Variants in MECOM observed in about 807,000 individuals in gnomAD.
MECOM encodes histone-lysine N-methyltransferase MECOM.
A neutral mutation model predicts 116.3 loss-of-function variants in MECOM; 13 were observed. That is an observed-to-expected ratio of 0.11 (90% CI 0.07 to 0.18). MECOM has a LOEUF of 0.18. Among genes scored for constraint, MECOM ranks in the 10% least tolerant of loss-of-function variants. MECOM has a pLI of 1.00. For synonymous variants in MECOM, 528 were observed against 535.2 expected (o/e 0.99, Z 0.19); for missense variants, 1,299 against 1,509.0 (o/e 0.86, Z 2.31).
chr3:169,486,787 G>T (rs1251483385), intron 1 of MECOM, among the ~76,000 whole-genome samples: 1 of 152,020 alleles, frequency 6.6e-6, no homozygotes, highest in Non-Finnish European at 1.5e-5. Context: ...GGCTCTACAA[G>T]ATTTTCTCAG....
At chr3:169,395,125 A>G (rs1382145997) in intron 1 of MECOM, among the ~76,000 whole-genome samples, 1 of 152,168 alleles carries the variant, frequency 6.6e-6, no homozygotes, top group Non-Finnish European at 1.5e-5. Context: ...GATCATGCAC[A>G]CTCCAAATTC....
intron 1 of MECOM, among the ~76,000 whole-genome samples, chr3:169,418,716 T>C (rs1283789271): frequency 6.6e-6 from 1 of 151,996 alleles, no homozygotes; most frequent in Admixed American, 6.6e-5. Flanking sequence ...ATAAAAACAC[T>C]CAATAAACTA....
intron 1 of MECOM, among the ~76,000 whole-genome samples, chr3:169,587,278 G>C (rs1765879279): frequency 6.6e-6 from 1 of 152,076 alleles, no homozygotes; most frequent in African/African-American, 2.4e-5. Context: ...AAAAAGCCTG[G>C]AGCTGTCACC....
intron 2 of MECOM, among the ~76,000 whole-genome samples, chr3:169,338,181 C>T (rs1723891301): frequency 6.6e-6 from 1 of 152,144 alleles, no homozygotes. Flanking sequence ...GTTTCAACTG[C>T]CAGGAACCTG....
chr3:169,268,722 A>T (rs932216634), intron 2 of MECOM, among the ~76,000 whole-genome samples: 38 of 152,216 alleles, frequency 2.5e-4, no homozygotes, highest in African/African-American at 8.9e-4. Flanking sequence ...ATTTAAGAAC[A>T]TTACCTACCA....
At chr3:169,544,360 C>A (rs375248230) in intron 1 of MECOM, among the ~76,000 whole-genome samples, 1 of 152,166 alleles carries the variant, frequency 6.6e-6, no homozygotes, top group East Asian at 1.9e-4. Context: ...AAAAGGCATA[C>A]TTCTTTGGGT....
intron 3 of MECOM, among the ~76,000 whole-genome samples, chr3:169,142,366 A>T (rs1738370854): frequency 6.6e-6 from 1 of 151,944 alleles, no homozygotes; most frequent in African/African-American, 2.4e-5. Context: ...GAGGTCCTCC[A>T]GTTCCTTTTG....
intron 1 of MECOM, among the ~76,000 whole-genome samples, chr3:169,400,726 G>A (rs948863111): frequency 2.6e-5 from 4 of 152,128 alleles, no homozygotes; most frequent in Admixed American, 6.5e-5. Flanking sequence ...ACACATTACC[G>A]TAAAGATATA....
chr3:169,659,299 GC>G (rs1775938819), intron 1 of MECOM, among the ~76,000 whole-genome samples: 1 of 151,952 alleles, frequency 6.6e-6, no homozygotes, highest in South Asian at 2.1e-4. Context: ...GCCAAGACCT[GC>G]AACTCTGCAG....
chr3:169,094,963 G>T, intron 13 of MECOM, 113 bp downstream of exon 13: 1 of 910,856 alleles, frequency 1.1e-6, no homozygotes, highest in Non-Finnish European at 1.5e-6. Flanking sequence ...TTTACAATAA[G>T]ACCTGATTTT....
chr3:169,098,026 C>T (rs1722284008), intron 12 of MECOM, among the ~76,000 whole-genome samples: 2 of 152,070 alleles, frequency 1.3e-5, no homozygotes, highest in South Asian at 4.2e-4. Flanking sequence ...TACCATTTTA[C>T]TTTTTTTAAT....
intron 2 of MECOM, among the ~76,000 whole-genome samples, chr3:169,333,163 C>G (rs1349020875): frequency 6.6e-6 from 1 of 152,028 alleles, no homozygotes; most frequent in African/African-American, 2.4e-5. Context: ...TAAAGCACAT[C>G]TAGCATCAAC....
intron 1 of MECOM, 149 bp downstream of exon 1, chr3:169,663,187 G>T (rs1776558706): frequency 3.6e-6 from 3 of 841,426 alleles, no homozygotes; most frequent in Non-Finnish European, 3.8e-6. Flanking sequence ...GACTGGAACC[G>T]GCAGGTTGCT....
intron 2 of MECOM, among the ~76,000 whole-genome samples, chr3:169,175,334 G>T (rs1744989731): frequency 6.6e-6 from 1 of 152,082 alleles, no homozygotes; most frequent in Non-Finnish European, 1.5e-5. Context: ...ACCACAGATT[G>T]TCCTTATATA....
At chr3:169,412,826 A>C (rs530321291) in intron 1 of MECOM, among the ~76,000 whole-genome samples, 3 of 152,312 alleles carry the variant, frequency 2.0e-5, no homozygotes, top group Admixed American at 6.5e-5. Flanking sequence ...AATGATTGGA[A>C]CAATCTCTCA....
chr3:169,098,917 T>G (rs1245605421), intron 12 of MECOM, among the ~76,000 whole-genome samples: 1 of 152,164 alleles, frequency 6.6e-6, no homozygotes, highest in African/African-American at 2.4e-5. Flanking sequence ...ATTGTTAATA[T>G]GTTTCAGGTA....
rs114926228 is a variant in MECOM at position 169,657,553 on chromosome 3, T to C, written c.37+5783A>G. ...ATTCAAATATTCAATGTTGACATTG[T>C]ACAGAATTGGCAAGAAGCCAGAACC... On this transcript the variant is annotated intron_variant, in intron 1 of 16. Coordinates refer to ENST00000651503, the MANE Select transcript of MECOM (RefSeq NM_004991.4). Among the ~76,000 whole-genome samples, 795 of 152,320 alleles carry C rather than the reference T, an allele frequency of 5.2e-3. 7 individuals are homozygous for C. Among genetic ancestry groups the C allele is most frequent in the African/African-American group, 0.018 (763 of 41,562 alleles).
intron 1 of MECOM, among the ~76,000 whole-genome samples, chr3:169,485,490 G>T (rs1376383342): frequency 6.6e-6 from 1 of 152,018 alleles, no homozygotes; most frequent in East Asian, 1.9e-4. Flanking sequence ...AAAAGAGAGG[G>T]TTACAATAAA....
chr3:169,642,799 C>CA (rs34198855), intron 1 of MECOM, among the ~76,000 whole-genome samples: 4,849 of 147,026 alleles, frequency 0.033, 236 homozygotes, highest in African/African-American at 0.11. Context: ...GCCAACCTAT[C>CA]AAAAAAAAAA....
Sources: gnomAD v4.1 joint callset for allele counts (sites outside exome capture counted in the v4.1 genomes callset) on GRCh38, gnomAD v4.1.1 for gene constraint, MANE v1.5 for transcripts, NCBI Gene and HGNC (gene_info 2026-07-23, HGNC 2026-07-21) for gene names.